Variants in BRK1 observed in about 807,000 individuals in gnomAD.
BRK1 encodes BRICK1 subunit of SCAR/WAVE actin nucleating complex, also known as protein BRICK1.
Under a neutral mutation model 9.9 loss-of-function variants are expected in BRK1, and 6 were observed. That is an observed-to-expected ratio of 0.60 (90% CI 0.33 to 1.19). The LOEUF (loss-of-function observed/expected upper bound fraction) is 1.19, where lower values mean the gene tolerates loss of function less well. Ranked by LOEUF, BRK1 falls within the 50% of genes most tolerant of loss-of-function variation. The probability of loss-of-function intolerance (pLI) is 0.04; values close to 1 mark genes in which losing one functional copy is unlikely to be tolerated. For missense variants in BRK1, 62 were observed against 97.5 expected (o/e 0.64, Z 1.53); for synonymous variants, 44 against 31.9 (o/e 1.38, Z -1.28).
intron 1 of BRK1, among the ~76,000 whole-genome samples, chr3:10,119,674 A>G (rs934167490): frequency 1.2e-4 from 19 of 152,198 alleles, no homozygotes; most frequent in Non-Finnish European, 2.4e-4. Flanking sequence ...ACTTGAGGAC[A>G]TACAAATCGT....
intron 1 of BRK1, among the ~76,000 whole-genome samples, chr3:10,124,793 G>A (rs1324005907): frequency 6.6e-6 from 1 of 152,192 alleles, no homozygotes; most frequent in African/African-American, 2.4e-5. Flanking sequence ...GTTGCTGGCT[G>A]TGAGCTGAGA....
chr3:10,126,462 G>C lies in BRK1; in HGVS notation c.*167G>C, dbSNP rs1431444433. The C allele has an allele frequency of 7.0e-6, 4 of 572,916 alleles. No individual in the cohort carries two copies. The highest frequency in any genetic ancestry group is 6.1e-5 in the East Asian group (2 of 32,708). The allele number at this position is 572,916 out of a possible 1,614,324, so 35.5% of individuals were successfully genotyped here. A position where few individuals can be genotyped will look rare whatever the true frequency, so the allele number is the denominator to read the frequency against. On this transcript the variant is annotated 3_prime_UTR_variant, in exon 3 of 3. Coordinates refer to ENST00000530758, the MANE Select transcript of BRK1 (RefSeq NM_018462.5). ...TTTGGGCTCTGCCATCTGGGGTGTGGTGTGGTATGTGGGAAGAAGTTCAGA... is the reference window on the plus strand; with the variant it reads ...TTTGGGCTCTGCCATCTGGGGTGTGCTGTGGTATGTGGGAAGAAGTTCAGA...
At chr3:10,117,302 T>C (rs1254752922) in intron 1 of BRK1, among the ~76,000 whole-genome samples, 1 of 152,042 alleles carries the variant, frequency 6.6e-6, no homozygotes, top group Non-Finnish European at 1.5e-5. Context: ...CAAGGAGATA[T>C]CAGCTTGGAT....
intron 1 of BRK1, among the ~76,000 whole-genome samples, chr3:10,119,749 A>G (rs1292057063): frequency 6.6e-6 from 1 of 152,174 alleles, no homozygotes; most frequent in Non-Finnish European, 1.5e-5. Context: ...AGTTTCTAAA[A>G]ATAGATGGTT....
chr3:10,116,105 T>TG (rs1695681917), intron 1 of BRK1, among the ~76,000 whole-genome samples: 2 of 152,178 alleles, frequency 1.3e-5, no homozygotes, highest in Admixed American at 1.3e-4. Flanking sequence ...CCATCCTCGC[T>TG]CCGTGGTTCT....
In BRK1 at chr3:10,121,025, G is replaced by A. The variant is rs371915832; in HGVS notation, c.119-4601G>A. Among the ~76,000 whole-genome samples the A allele has an allele frequency of 7.9e-5, 12 of 152,324 alleles. 1 individual carries two copies. In the East Asian group the frequency reaches 9.6e-4, roughly 12 times the overall value. The stretch of plus-strand genomic sequence containing the variant: ...TCCTGTTGGGCAGTTCCGACAGAAA[G>A]TGGCAGTACATCCAGGAAAAGGGGG... On this transcript the variant is annotated intron_variant, in intron 1 of 2. Transcript: ENST00000530758.
intron 2 of BRK1, 71 bp from the exon 3 acceptor site, chr3:10,126,197 TA>T: frequency 8.7e-7 from 1 of 1,151,496 alleles, no homozygotes; most frequent in South Asian, 1.7e-5. Flanking sequence ...GCCTAGGATC[TA>T]AAGATTTTTT....
At chr3:10,126,247 C>T (rs1181334572) in intron 2 of BRK1, 22 bp from the exon 3 acceptor site, 1 of 1,505,892 alleles carries the variant, frequency 6.6e-7, no homozygotes. Context: ...ATCTAAATGT[C>T]AGTTTTCCTT....
chr3:10,117,511 C>T (rs761654264), intron 1 of BRK1, among the ~76,000 whole-genome samples: 37 of 151,510 alleles, frequency 2.4e-4, no homozygotes, highest in Non-Finnish European at 4.0e-4. Flanking sequence ...CTCATGCCCC[C>T]GCCTCCTGAG....
chr3:10,121,882 CTTTTT>C (rs911888155), intron 1 of BRK1, among the ~76,000 whole-genome samples: 2 of 88,108 alleles, frequency 2.3e-5, no homozygotes, highest in African/African-American at 9.2e-5. Flanking sequence ...CACCCGGCCA[CTTTTT>C]TTTTTTTTTT....
chr3:10,119,437 G>C (rs1319720134), intron 1 of BRK1, among the ~76,000 whole-genome samples: 2 of 152,170 alleles, frequency 1.3e-5, no homozygotes, highest in Non-Finnish European at 2.9e-5. Flanking sequence ...CAGCCTGGGT[G>C]ACAGAGTGAG....
chr3:10,125,176 C>T (rs1695819878), intron 1 of BRK1, among the ~76,000 whole-genome samples: 1 of 147,354 alleles, frequency 6.8e-6, no homozygotes, highest in African/African-American at 2.6e-5. Flanking sequence ...GATCTTGGCT[C>T]ACTGCAACCT....
chr3:10,124,593 C>T (rs1051484794), intron 1 of BRK1, among the ~76,000 whole-genome samples: 1 of 152,164 alleles, frequency 6.6e-6, no homozygotes, highest in African/African-American at 2.4e-5. Flanking sequence ...GGCCAGCAGT[C>T]TTCACACCTT....
Position 10,126,545 on chromosome 3 carries a change from A to G in BRK1, c.*250A>G, listed in dbSNP as rs1177778610. ...CTTTTCAGTAACATTTTATACATCTACTTGTCAATGTATTTGAGACATTCA... is the reference window on the plus strand; with the variant it reads ...CTTTTCAGTAACATTTTATACATCTGCTTGTCAATGTATTTGAGACATTCA... On this transcript the variant is annotated 3_prime_UTR_variant, in exon 3 of 3. Transcript: ENST00000530758. 3 of 444,300 alleles carry G rather than the reference A, an allele frequency of 6.8e-6. No individual in the cohort carries two copies. Among genetic ancestry groups the G allele is most frequent in the Non-Finnish European group, 1.2e-5 (3 of 249,316 alleles). The allele number at this position is 444,300 out of a possible 1,614,324, so 27.5% of individuals were successfully genotyped here. A position where few individuals can be genotyped will look rare whatever the true frequency, so the allele number is the denominator to read the frequency against.
At chr3:10,120,623 T>A (rs532500748) in intron 1 of BRK1, among the ~76,000 whole-genome samples, 3 of 152,346 alleles carry the variant, frequency 2.0e-5, no homozygotes, top group Non-Finnish European at 2.9e-5. Flanking sequence ...AATGTACACA[T>A]ACTTGTGCTC....
chr3:10,122,766 A>T (rs2125118230), intron 1 of BRK1, among the ~76,000 whole-genome samples: 1 of 152,306 alleles, frequency 6.6e-6, no homozygotes, highest in African/African-American at 2.4e-5. Context: ...TAAATACAGA[A>T]GAGGAAGAAT....
At chr3:10,115,873 G>A in intron 1 of BRK1, 54 bp downstream of exon 1, 1 of 1,441,322 alleles carries the variant, frequency 6.9e-7, no homozygotes, top group Non-Finnish European at 9.8e-7. Context: ...GAGGTGGTTG[G>A]GCTGGGGCGC....
chr3:10,126,398 A>C lies in BRK1; in HGVS notation c.*103A>C. ...CCTTCCTTTCTCCTTAAAGAGCAAC[A>C]GGGCTTATTCTTGTTTTTCTTTTTT... On this transcript the variant is annotated 3_prime_UTR_variant, in exon 3 of 3. Coordinates refer to ENST00000530758, the MANE Select transcript of BRK1 (RefSeq NM_018462.5). The C allele has an allele frequency of 9.6e-7, 1 of 1,037,312 alleles. No individual in the cohort carries two copies. Among genetic ancestry groups the C allele is most frequent in the Non-Finnish European group, 1.4e-6 (1 of 700,946 alleles). The allele number at this position is 1,037,312 out of a possible 1,614,324, so 64.3% of individuals were successfully genotyped here. A position where few individuals can be genotyped will look rare whatever the true frequency, so the allele number is the denominator to read the frequency against.
At chr3:10,123,724 T>G in intron 1 of BRK1, among the ~76,000 whole-genome samples, 1 of 127,410 alleles carries the variant, frequency 7.8e-6, no homozygotes, top group Non-Finnish European at 1.6e-5. Context: ...TGAGCCACCG[T>G]GCCTGGCCTT....
Sources: gnomAD v4.1 joint callset for allele counts (sites outside exome capture counted in the v4.1 genomes callset) on GRCh38, gnomAD v4.1.1 for gene constraint, MANE v1.5 for transcripts, NCBI Gene and HGNC (gene_info 2026-07-23, HGNC 2026-07-21) for gene names.